KNL1: variants seen among roughly 807,000 people sequenced by gnomAD.
KNL1 encodes kinetochore scaffold 1.
A neutral mutation model predicts 201.3 loss-of-function variants in KNL1; 66 were observed. The ratio of observed to expected loss-of-function variants is 0.33; its 90% CI spans 0.27 to 0.40. The LOEUF (loss-of-function observed/expected upper bound fraction) is 0.40, where lower values mean the gene tolerates loss of function less well. Among genes scored for constraint, KNL1 ranks in the 10% least tolerant of loss-of-function variants. The pLI is 1.00. For missense variants in KNL1, 2,815 were observed against 2,690.5 expected (o/e 1.05, Z -1.02); for synonymous variants, 895 against 899.2 (o/e 1.00, Z 0.08).
chr15:40,636,128 G>A (rs555124875), intron 13 of KNL1, among the ~76,000 whole-genome samples: 3 of 152,286 alleles, frequency 2.0e-5, no homozygotes, highest in South Asian at 2.1e-4. Flanking sequence ...GTGAGCCACC[G>A]CACCCAGCTG....
rs115039319 is a variant in KNL1, at chr15:40,629,793, G to A, written c.5682+422G>A. ...TGGGTTTACAAGCGTGAGCCACTGC[G>A]CCCGGCCGAGAGTTTTCTTATAGTA... On this transcript the variant is annotated intron_variant, in intron 13 of 25. Coordinates refer to ENST00000399668, the MANE Select transcript of KNL1 (RefSeq NM_144508.5). 6.5e-3 allele frequency among the ~76,000 whole-genome samples: 990 copies of A among 151,942 alleles called. 12 individuals are homozygous for A. The highest frequency in any genetic ancestry group is 0.023 in the African/African-American group (941 of 41,432).
At chr15:40,659,678 G>T (rs1019990520) in intron 25 of KNL1, among the ~76,000 whole-genome samples, 1 of 152,000 alleles carries the variant, frequency 6.6e-6, no homozygotes, top group Non-Finnish European at 1.5e-5. Context: ...ATTTTTAGTA[G>T]AGACGGGGTT....
At chr15:40,642,126 G>T (rs1275063574) in intron 14 of KNL1, among the ~76,000 whole-genome samples, 3 of 152,178 alleles carry the variant, frequency 2.0e-5, no homozygotes, top group Non-Finnish European at 2.9e-5. Flanking sequence ...TTGGCTGGGC[G>T]CAGTGGCTCA....
chr15:40,641,026 G>A lies in KNL1; in HGVS notation c.5797G>A (p.Glu1933Lys). 6.3e-7 allele frequency: 1 copy of A among 1,584,548 alleles called. No individual in the cohort carries two copies. The highest frequency in any genetic ancestry group is 8.6e-7 in the Non-Finnish European group (1 of 1,156,096). The change falls in exon 14 of 26, where the codon GAA (glutamate) becomes AAA (lysine). Residue 1933 changes from glutamate to lysine, a missense_variant and splice_region_variant. This residue lies in a region of KNL1 where 2,464 missense variants were observed against 2,291.7 expected (regional missense o/e 1.08). Coordinates refer to ENST00000399668, the MANE Select transcript of KNL1 (RefSeq NM_144508.5). ...TGAGGCTCGTCGCCAAAAGATTGAAGAGTATGAAAGCTTTAATTTTTATGT... is the reference window on the plus strand; with the variant it reads ...TGAGGCTCGTCGCCAAAAGATTGAAAAGTATGAAAGCTTTAATTTTTATGT... ...DCEARRQKIE[E>K]LKLSASNQDK...
chr15:40,635,631 G>T (rs1893035653), intron 13 of KNL1, among the ~76,000 whole-genome samples: 1 of 152,112 alleles, frequency 6.6e-6, no homozygotes, highest in South Asian at 2.1e-4. Flanking sequence ...TGGGATTATA[G>T]GTGTAAGCCA....
chr15:40,627,513 CAAA>C (rs543656517), intron 10 of KNL1, among the ~76,000 whole-genome samples: 4 of 68,806 alleles, frequency 5.8e-5, no homozygotes, highest in African/African-American at 1.1e-4. Context: ...GACTCCGCCT[CAAA>C]AAAAAAAAAA....
chr15:40,598,985 A>G (rs1891699561), intron 1 of KNL1, among the ~76,000 whole-genome samples: 1 of 151,712 alleles, frequency 6.6e-6, no homozygotes, highest in Non-Finnish European at 1.5e-5. Flanking sequence ...TTTTATTTTT[A>G]GTAGAGACAA....
intron 13 of KNL1, among the ~76,000 whole-genome samples, chr15:40,638,902 C>T (rs1296424976): frequency 6.6e-6 from 1 of 151,560 alleles, no homozygotes; most frequent in East Asian, 2.0e-4. Flanking sequence ...ACCTCCGCCT[C>T]CCGATTTCAA....
chr15:40,627,643 G>A (rs2141730226), intron 10 of KNL1, among the ~76,000 whole-genome samples: 1 of 152,292 alleles, frequency 6.6e-6, no homozygotes, highest in South Asian at 2.1e-4. Flanking sequence ...AGAAGTCTTG[G>A]TCAGCTGGGG....
intron 21 of KNL1, 34 bp from the exon 22 acceptor site, chr15:40,654,875 A>T: frequency 1.3e-6 from 2 of 1,566,764 alleles, no homozygotes; most frequent in Non-Finnish European, 1.7e-6. Context: ...TGTCTAAAAA[A>T]ATTTTTAAAA....
At chr15:40,627,224 A>G (rs866314448) in intron 10 of KNL1, among the ~76,000 whole-genome samples, 10 of 152,194 alleles carry the variant, frequency 6.6e-5, no homozygotes, top group South Asian at 2.1e-4. Context: ...AAAAGAATAT[A>G]TTGTTTTCAG....
intron 2 of KNL1, among the ~76,000 whole-genome samples, chr15:40,603,930 A>G (rs910978193): frequency 6.6e-6 from 1 of 152,198 alleles, no homozygotes; most frequent in African/African-American, 2.4e-5. Context: ...ATTGCCATGG[A>G]AAGGGCAGGT....
chr15:40,600,611 T>G (rs1595911836), intron 1 of KNL1, among the ~76,000 whole-genome samples: 1 of 152,224 alleles, frequency 6.6e-6, no homozygotes, highest in African/African-American at 2.4e-5. Context: ...ATCTTTCAGG[T>G]ACCTGTTTAC....
chr15:40,624,021 G>A lies in KNL1; in HGVS notation c.3757G>A (p.Asp1253Asn). ...EIIKFHSAAM[D>N]EKVIGKVVDQ... is the part of the protein sequence containing the mutation. ...CATCAAATTTCATAGTGCTGCTATG[G>A]ATGAAAAGGTCATAGGGAAAGTTGT... The change falls in exon 10 of 26, where the codon GAT (aspartate) becomes AAT (asparagine). Residue 1253 changes from aspartate to asparagine, a missense_variant. Coordinates refer to ENST00000399668, the MANE Select transcript of KNL1 (RefSeq NM_144508.5). 1 of 1,613,962 alleles carries A rather than the reference G, an allele frequency of 6.2e-7. No homozygotes were observed. The highest frequency in any genetic ancestry group is 8.5e-7 in the Non-Finnish European group (1 of 1,179,928).
At chr15:40,649,528 C>G (rs547536102) in intron 17 of KNL1, among the ~76,000 whole-genome samples, 2 of 151,888 alleles carry the variant, frequency 1.3e-5, no homozygotes, top group Non-Finnish European at 2.9e-5. Flanking sequence ...CTCCTGGCCT[C>G]AAGTGATCTG....
chr15:40,608,970 A>T, intron 5 of KNL1, 62 bp downstream of exon 5: 1 of 1,063,082 alleles, frequency 9.4e-7, no homozygotes, highest in South Asian at 1.3e-5. Flanking sequence ...TATCAAACCA[A>T]ATGTATTGGT....
intron 6 of KNL1, 151 bp downstream of exon 6, chr15:40,610,448 G>A (rs532187422): frequency 1.2e-5 from 7 of 595,828 alleles, no homozygotes; most frequent in African/African-American, 1.9e-5. Flanking sequence ...CTGTGATCCC[G>A]ACACTTTGGC....
At chr15:40,645,812 T>C (rs887609407) in intron 16 of KNL1, 40 bp downstream of exon 16, 2 of 1,035,186 alleles carry the variant, frequency 1.9e-6, no homozygotes, top group Non-Finnish European at 1.4e-6. Context: ...GAGAGAGATA[T>C]TAAAATTACT....
chr15:40,638,596 ATT>A (rs1348576643), intron 13 of KNL1, among the ~76,000 whole-genome samples: 2 of 150,314 alleles, frequency 1.3e-5, no homozygotes, highest in East Asian at 2.0e-4. Context: ...GGTTCAAGTG[ATT>A]TTCTCGCCTC....
Sources: gnomAD v4.1 joint callset for allele counts (sites outside exome capture counted in the v4.1 genomes callset) on GRCh38, gnomAD v4.1.1 for gene constraint, gnomAD v4.1.1 regional missense constraint, MANE v1.5 for transcripts, NCBI Gene and HGNC (gene_info 2026-07-23, HGNC 2026-07-21) for gene names.